The following FBXW8 variants were observed in gnomAD, a reference collection of about 807,000 sequenced individuals.
FBXW8 encodes the protein F-box and WD repeat domain containing 8, also known as F-box/WD repeat-containing protein 8.
A neutral mutation model predicts 65.3 loss-of-function variants in FBXW8; 57 were observed. The observed-to-expected ratio is 0.87, with a 90% confidence interval of 0.71 to 1.09. The LOEUF (loss-of-function observed/expected upper bound fraction) is 1.09. Among genes scored for constraint, FBXW8 ranks in the 50% least tolerant of loss-of-function variants. The pLI is 0.00. For missense variants in FBXW8, 777 were observed against 814.8 expected (o/e 0.95, Z 0.57); for synonymous variants, 308 against 330.2 (o/e 0.93, Z 0.73).
intron 7 of FBXW8, chr12:117,003,146 C>T (rs1204944553): frequency 6.6e-6 from 1 of 152,246 alleles, no homozygotes; most frequent in African/African-American, 2.4e-5. Context: ...AGTTGGTGGA[C>T]AGCAAATCGA....
At chr12:117,027,245 G>A (rs1053507490) in intron 9 of FBXW8, 149 bp from the exon 10 acceptor site, 7 of 654,208 alleles carry the variant, frequency 1.1e-5, no homozygotes, top group Non-Finnish European at 1.9e-5. Flanking sequence ...GTGAGACACT[G>A]CTTCCATGGG....
chr12:117,010,543 C>T, intron 8 of FBXW8, 93 bp downstream of exon 8: 1 of 1,557,272 alleles, frequency 6.4e-7, no homozygotes, highest in East Asian at 2.2e-5. Context: ...GGTTCTCACT[C>T]AACAGCTCTG....
intron 7 of FBXW8, among the ~76,000 whole-genome samples, chr12:117,008,226 A>T (rs1252096689): frequency 2.0e-5 from 3 of 152,242 alleles, no homozygotes; most frequent in African/African-American, 7.2e-5. Flanking sequence ...TTCCTGCTGC[A>T]GAAGTTGGAG....
At chr12:117,006,213 TC>T (rs1422775731) in intron 7 of FBXW8, among the ~76,000 whole-genome samples, 1 of 152,182 alleles carries the variant, frequency 6.6e-6, no homozygotes, top group Non-Finnish European at 1.5e-5. Flanking sequence ...AACACAGAGT[TC>T]CTTTCCTCAT....
chr12:116,930,957 G>A (rs1881723088), intron 2 of FBXW8, among the ~76,000 whole-genome samples: 1 of 152,108 alleles, frequency 6.6e-6, no homozygotes, highest in African/African-American at 2.4e-5. Flanking sequence ...ATAGGCTCAC[G>A]CCAACATGCC....
intron 4 of FBXW8, among the ~76,000 whole-genome samples, chr12:116,956,489 C>G (rs1056489447): frequency 2.6e-5 from 4 of 152,148 alleles, no homozygotes; most frequent in African/African-American, 4.8e-5. Context: ...TTTCTGAGCC[C>G]CATTCATACA....
In FBXW8 at chr12:116,923,955, C is replaced by T. The variant is rs183440802; in HGVS notation, c.319-4068C>T. On this transcript the variant is annotated intron_variant, in intron 1 of 10. Coordinates refer to ENST00000652555, the MANE Select transcript of FBXW8 (RefSeq NM_153348.3). The stretch of plus-strand genomic sequence containing the variant: ...ATCTCCATCTCCTGACCTCGTGATC[C>T]GCCTGCCTCGGCCTCCCAAAGTGCT... Among the ~76,000 whole-genome samples the T allele has an allele frequency of 4.2e-3, 638 of 152,240 alleles. 7 individuals are homozygous for T. Among genetic ancestry groups the T allele is most frequent in the Non-Finnish European group, 5.1e-3 (347 of 68,018 alleles).
chr12:116,968,225 A>G (rs1463358132), intron 5 of FBXW8, among the ~76,000 whole-genome samples: 1 of 152,220 alleles, frequency 6.6e-6, no homozygotes, highest in Admixed American at 6.5e-5. Flanking sequence ...ATATAAAGTT[A>G]TATATTGAGA....
chr12:117,014,269 T>A (rs941133801), intron 8 of FBXW8, among the ~76,000 whole-genome samples: 1 of 151,780 alleles, frequency 6.6e-6, no homozygotes, highest in African/African-American at 2.4e-5. Context: ...TGGTTAAAAA[T>A]TTCCATTTGT....
Position 116,916,954 on chromosome 12 carries a change from C to T in FBXW8, c.318+5599C>T, listed in dbSNP as rs187857771. ...AGAGGTGTGTATCTGGGTTATGAGT[C>T]ATCATACAGCAGCTTAGCTTAGCCC... is the stretch of plus-strand genomic sequence containing the variant. On this transcript the variant is annotated intron_variant, in intron 1 of 10. Coordinates refer to ENST00000652555, the MANE Select transcript of FBXW8 (RefSeq NM_153348.3). Among the ~76,000 whole-genome samples, 74 of 151,708 alleles carry T rather than the reference C, an allele frequency of 4.9e-4. 1 individual carries two copies. The highest frequency in any genetic ancestry group is 1.7e-3 in the African/African-American group (69 of 41,392).
intron 8 of FBXW8, among the ~76,000 whole-genome samples, chr12:117,023,941 A>C (rs1167312910): frequency 6.6e-6 from 1 of 152,198 alleles, no homozygotes; most frequent in Admixed American, 6.5e-5. Context: ...TTCTTGCTCC[A>C]TGTGCTTTTA....
At chr12:116,977,722 T>C (rs1336061905) in intron 5 of FBXW8, 1 of 152,240 alleles carries the variant, frequency 6.6e-6, no homozygotes, top group Non-Finnish European at 1.5e-5. Context: ...CTCTTTCACG[T>C]TACCTGCCCT....
At chr12:116,922,382 T>TTCAG (rs1247634381) in intron 1 of FBXW8, among the ~76,000 whole-genome samples, 1 of 152,174 alleles carries the variant, frequency 6.6e-6, no homozygotes. Flanking sequence ...AGAAACTAGT[T>TTCAG]TCAGTCATAG....
At chr12:116,997,299 G>A (rs1467582619) in intron 7 of FBXW8, among the ~76,000 whole-genome samples, 2 of 152,132 alleles carry the variant, frequency 1.3e-5, no homozygotes, top group Non-Finnish European at 2.9e-5. Context: ...TCTTATTACA[G>A]AAGCCATGAT....
intron 1 of FBXW8, among the ~76,000 whole-genome samples, chr12:116,923,319 A>G (rs770451075): frequency 3.9e-5 from 6 of 152,140 alleles, no homozygotes; most frequent in Non-Finnish European, 8.8e-5. Flanking sequence ...TGTGTAATAC[A>G]GGACGAAAGT....
Position 117,029,586 on chromosome 12 carries a change from G to C in FBXW8, c.*1414G>C, listed in dbSNP as rs1248404314. On this transcript the variant is annotated 3_prime_UTR_variant, in exon 11 of 11. Coordinates refer to ENST00000652555, the MANE Select transcript of FBXW8 (RefSeq NM_153348.3). ...ACATCAGTGGAATCGAAAACCAATA[G>C]TTAGTTAATATAAAGCCAGAAGGTT... 1 of 151,988 alleles carries C rather than the reference G, an allele frequency of 6.6e-6. No homozygotes were observed. Among genetic ancestry groups the C allele is most frequent in the Non-Finnish European group, 1.5e-5 (1 of 68,018 alleles). 9.4% of individuals were successfully genotyped at this position (151,988 alleles called of 1,614,324 possible). A position where few individuals can be genotyped will look rare whatever the true frequency, so the allele number is the denominator to read the frequency against.
chr12:117,000,310 A>G (rs1953483846), intron 7 of FBXW8, among the ~76,000 whole-genome samples: 1 of 152,236 alleles, frequency 6.6e-6, no homozygotes, highest in African/African-American at 2.4e-5. Context: ...ACCGCCCAGC[A>G]CTATTGCCTC....
chr12:116,964,772 C>A lies in FBXW8; in HGVS notation c.753C>A (p.Asp251Glu). ...DYVAPFLESE[D>E]EEDEPGMQPN... is the part of the protein sequence containing the mutation. Reference sequence around the variant, plus strand: ...TAGCCCCCTTCCTGGAATCAGAGGACGAGGAGGATGAGCCTGGAATGCAGC... The same window carrying A: ...TAGCCCCCTTCCTGGAATCAGAGGAAGAGGAGGATGAGCCTGGAATGCAGC... Residue 251 changes from aspartate (D) to glutamate (E), a missense_variant, in exon 5 of 11, where the codon GAC (aspartate) becomes GAA (glutamate). Transcript: ENST00000652555. 6.2e-7 allele frequency: 1 copy of A among 1,613,308 alleles called. No homozygotes were observed. Among genetic ancestry groups the A allele is most frequent in the African/African-American group, 1.3e-5 (1 of 74,930 alleles).
chr12:116,997,844 C>T (rs999859604), intron 7 of FBXW8, among the ~76,000 whole-genome samples: 1 of 152,122 alleles, frequency 6.6e-6, no homozygotes, highest in African/African-American at 2.4e-5. Context: ...GAGATGGAAT[C>T]TCATTCTATC....
Sources: gnomAD v4.1 joint callset for allele counts (sites outside exome capture counted in the v4.1 genomes callset) on GRCh38, gnomAD v4.1.1 for gene constraint, MANE v1.5 for transcripts, NCBI Gene and HGNC (gene_info 2026-07-23, HGNC 2026-07-21) for gene names.